SH3D19: variants seen among roughly 807,000 people sequenced by gnomAD.
The protein encoded by SH3D19 is SH3 domain containing 19.
Under a neutral mutation model 112.1 loss-of-function variants are expected in SH3D19, and 58 were observed. That is an observed-to-expected ratio of 0.52 (90% CI 0.42 to 0.64). SH3D19 has a LOEUF of 0.64. SH3D19 is among the 30% of genes least tolerant of loss of function. SH3D19 has a pLI of 0.00. For missense variants in SH3D19, 1,090 were observed against 1,263.4 expected, an observed-to-expected ratio of 0.86 and a Z score of 2.08; for synonymous variants, 391 against 448.5, an observed-to-expected ratio of 0.87 and a Z score of 1.62.
At chr4:151,144,172 A>G (rs756645884) in intron 11 of SH3D19, 122 bp from the exon 12 acceptor site, 1 of 1,595,508 alleles carries the variant, frequency 6.3e-7, no homozygotes, top group Non-Finnish European at 8.6e-7. Flanking sequence ...AACAGAGGCC[A>G]GTAATTTTTT....
intron 8 of SH3D19, among the ~76,000 whole-genome samples, chr4:151,162,959 T>C (rs769049068): frequency 4.6e-5 from 7 of 152,194 alleles, no homozygotes; most frequent in Non-Finnish European, 1.0e-4. Flanking sequence ...ACAGAATATA[T>C]GGTTTATGCT....
chr4:151,180,199 A>G (rs1760635428), intron 3 of SH3D19, among the ~76,000 whole-genome samples: 1 of 152,122 alleles, frequency 6.6e-6, no homozygotes, highest in South Asian at 2.1e-4. Flanking sequence ...AAACTAAGAT[A>G]TAATAATTAA....
At chr4:151,139,481 A>G (rs1476541859) in intron 13 of SH3D19, among the ~76,000 whole-genome samples, 1 of 152,182 alleles carries the variant, frequency 6.6e-6, no homozygotes, top group Non-Finnish European at 1.5e-5. Flanking sequence ...AGAGTTAAAA[A>G]GTTTGTGACT....
intron 1 of SH3D19, among the ~76,000 whole-genome samples, chr4:151,237,809 G>C (rs1770244555): frequency 6.6e-6 from 1 of 152,104 alleles, no homozygotes; most frequent in African/African-American, 2.4e-5. Flanking sequence ...ATTATCCTTT[G>C]TCGAACAGGG....
At chr4:151,177,804 CTG>C (rs1760190391) in intron 4 of SH3D19, among the ~76,000 whole-genome samples, 2 of 152,264 alleles carry the variant, frequency 1.3e-5, no homozygotes, top group South Asian at 4.1e-4. Flanking sequence ...ATATGTGTCT[CTG>C]GGTTCGTGAT....
At position 151,135,104 on chromosome 4, in the gene SH3D19, T is replaced by C. The variant is rs1751537287; in HGVS notation, c.2456A>G (p.Lys819Arg). Reference sequence around the variant, plus strand: ...ACAATGAGATGAAACACATTCTCTTTTCCCATTTCCTCCTTCTGGGATATC... The same window carrying C: ...ACAATGAGATGAAACACATTCTCTTCTCCCATTTCCTCCTTCTGGGATATC... ...IIDIPEGGNG[K>R]RECVSSHCVK... The change falls in exon 15 of 20, where the codon AAA (lysine) becomes AGA (arginine). Residue 819 changes from lysine (K) to arginine (R), a missense_variant. Coordinates refer to ENST00000604030, the MANE Select transcript of SH3D19 (RefSeq NM_001378122.1). The C allele has an allele frequency of 1.2e-6, 2 of 1,605,906 alleles. No homozygotes were observed. The highest frequency in any genetic ancestry group is 1.7e-6 in the Non-Finnish European group (2 of 1,176,500).
chr4:151,303,550 A>AGTATAAAGTGACACACTCCAG (rs1728655858), intron 1 of SH3D19, among the ~76,000 whole-genome samples: 1 of 152,234 alleles, frequency 6.6e-6, no homozygotes, highest in Admixed American at 6.5e-5. Context: ...ACAATACAGA[A>AGTATAAAGTGACACACTCCAG]GTATAAAGTG....
Position 151,152,839 on chromosome 4 carries a change from C to CAT in SH3D19, c.1756-3280_1756-3279dup, listed in dbSNP as rs553798300. On this transcript the variant is annotated intron_variant, in intron 9 of 19. Transcript: ENST00000604030. ...TAGACTTTTGCTACATATATATGTA[C>CAT]ATATATATATATTTGAGACGTAGTC... 3.9e-3 allele frequency among the ~76,000 whole-genome samples: 591 copies of CAT among 150,860 alleles called. 2 individuals carry two copies. The highest frequency in any genetic ancestry group is 0.011 in the African/African-American group (434 of 41,064).
intron 1 of SH3D19, among the ~76,000 whole-genome samples, chr4:151,313,453 G>C (rs1364948125): frequency 6.6e-6 from 1 of 151,904 alleles, no homozygotes; most frequent in African/African-American, 2.4e-5. Flanking sequence ...GTCTCACTCT[G>C]TCACCCAGGC....
At chr4:151,278,814 G>A (rs1325217372) in intron 1 of SH3D19, among the ~76,000 whole-genome samples, 2 of 152,056 alleles carry the variant, frequency 1.3e-5, no homozygotes, top group Non-Finnish European at 2.9e-5. Context: ...TATATTTTTT[G>A]TAGAGACGGT....
chr4:151,234,894 C>T (rs1303023178), intron 1 of SH3D19, among the ~76,000 whole-genome samples: 1 of 151,454 alleles, frequency 6.6e-6, no homozygotes, highest in Non-Finnish European at 1.5e-5. Context: ...CAGGTATGTG[C>T]CATCACACCC....
chr4:151,125,492 CAAA>C (rs112707542), intron 19 of SH3D19, among the ~76,000 whole-genome samples: 4 of 119,962 alleles, frequency 3.3e-5, no homozygotes, highest in African/African-American at 7.3e-5. Context: ...AAAACAAAAC[CAAA>C]AAAAAAAAAA....
chr4:151,265,571 T>TTTC (rs757131549), intron 1 of SH3D19, among the ~76,000 whole-genome samples: 26,528 of 97,706 alleles, frequency 0.27, 2,900 homozygotes, highest in Non-Finnish European at 0.34. Context: ...TTTCTTTTCT[T>TTTC]TTTTTTTTTT....
At chr4:151,262,196 T>C (rs1772428819) in intron 1 of SH3D19, 1 of 152,286 alleles carries the variant, frequency 6.6e-6, no homozygotes, top group South Asian at 2.1e-4. Context: ...GGATGCTATC[T>C]AACATGGGGC....
intron 1 of SH3D19, among the ~76,000 whole-genome samples, chr4:151,311,336 C>T (rs964226395): frequency 2.6e-5 from 4 of 151,692 alleles, no homozygotes; most frequent in African/African-American, 9.7e-5. Context: ...GTCAAGGATG[C>T]AGTGAGCCAT....
At chr4:151,142,890 G>A (rs1240585316) in intron 12 of SH3D19, among the ~76,000 whole-genome samples, 1 of 152,178 alleles carries the variant, frequency 6.6e-6, no homozygotes, top group Non-Finnish European at 1.5e-5. Context: ...CAAGTCTATA[G>A]TAAAAGATGA....
intron 7 of SH3D19, among the ~76,000 whole-genome samples, chr4:151,174,298 A>G (rs1400787381): frequency 6.6e-6 from 1 of 152,150 alleles, no homozygotes; most frequent in South Asian, 2.1e-4. Context: ...GATCCTTTCA[A>G]TGTGAAGTCT....
rs547609020 is a variant in SH3D19 at position 151,147,863 on chromosome 4, C to T, written c.2082+59G>A. 36 of 1,505,330 alleles carry T rather than the reference C, an allele frequency of 2.4e-5. No individual in the cohort carries two copies. The African/African-American group carries it at 3.9e-4, about 16-fold the overall frequency. 93.2% of individuals were successfully genotyped at this position (1,505,330 alleles called of 1,614,324 possible). The stretch of plus-strand genomic sequence containing the variant: ...CATCTTTTTCTAAGGAATGATGAAT[C>T]GTATATATACTTTAGGGCACACCTC... On this transcript the variant is annotated intron_variant, in intron 11 of 19. Coordinates refer to ENST00000604030, the MANE Select transcript of SH3D19 (RefSeq NM_001378122.1).
At chr4:151,318,300 CAAAAAA>C (rs752720803) in intron 1 of SH3D19, among the ~76,000 whole-genome samples, 1 of 54,482 alleles carries the variant, frequency 1.8e-5, no homozygotes, top group African/African-American at 6.5e-5. Context: ...GACTCTGACT[CAAAAAA>C]AAAAAAAAAA....
Sources: allele counts gnomAD v4.1 joint callset (sites outside exome capture counted in the v4.1 genomes callset), GRCh38; gene constraint gnomAD v4.1.1; transcripts MANE v1.5; gene names NCBI Gene and HGNC (gene_info 2026-07-23, HGNC 2026-07-21).